The following LRSAM1 variants were observed in gnomAD, a reference collection of about 807,000 sequenced individuals.
LRSAM1 encodes the protein E3 ubiquitin-protein ligase LRSAM1.
LRSAM1 carries 96 observed loss-of-function variants against 118.1 expected under a neutral mutation model. The ratio of observed to expected loss-of-function variants is 0.81; its 90% CI spans 0.69 to 0.96. The LOEUF (loss-of-function observed/expected upper bound fraction) is 0.96. Among genes scored for constraint, LRSAM1 ranks in the 40% least tolerant of loss-of-function variants. The pLI is 0.00. For missense variants in LRSAM1, 804 were observed against 915.5 expected, an observed-to-expected ratio of 0.88 and a Z score of 1.57; for synonymous variants, 322 against 364.2, an observed-to-expected ratio of 0.88 and a Z score of 1.32.
intron 5 of LRSAM1, among the ~76,000 whole-genome samples, chr9:127,456,319 C>T (rs1306524900): frequency 2.0e-5 from 3 of 151,490 alleles, no homozygotes; most frequent in Non-Finnish European, 2.9e-5. Flanking sequence ...CTGAAACCTC[C>T]GCCTCCTGGG....
intron 2 of LRSAM1, among the ~76,000 whole-genome samples, 159 bp from the exon 3 acceptor site, chr9:127,454,337 G>A (rs896366180): frequency 1.0e-4 from 15 of 143,672 alleles, no homozygotes; most frequent in African/African-American, 3.4e-4. Flanking sequence ...AGACCCAGCC[G>A]CTGCCTCCGT....
chr9:127,471,230 A>C (rs1835154590), intron 10 of LRSAM1, among the ~76,000 whole-genome samples: 1 of 149,356 alleles, frequency 6.7e-6, no homozygotes, highest in African/African-American at 2.5e-5. Context: ...TGTAATCCCA[A>C]CATTTTGGGA....
At chr9:127,479,270 G>T in intron 12 of LRSAM1, 113 bp from the exon 13 acceptor site, 1 of 1,505,210 alleles carries the variant, frequency 6.6e-7, no homozygotes. Flanking sequence ...GGGTTGCTCA[G>T]CATGAAGACC....
chr9:127,487,280 C>T (rs183198824), intron 17 of LRSAM1, among the ~76,000 whole-genome samples: 3 of 152,292 alleles, frequency 2.0e-5, no homozygotes, highest in Non-Finnish European at 4.4e-5. Context: ...TCCTTGCTCC[C>T]TGCCCAGGGT....
Position 127,451,636 on chromosome 9 carries a change from T to C in LRSAM1, c.-222T>C, listed in dbSNP as rs1403002846. The C allele has an allele frequency of 6.5e-6, 3 of 463,098 alleles. No homozygotes were observed. Among genetic ancestry groups the C allele is most frequent in the Non-Finnish European group, 1.2e-5 (3 of 251,976 alleles). 28.7% of individuals were successfully genotyped at this position (463,098 alleles called of 1,614,324 possible). A position where few individuals can be genotyped will look rare whatever the true frequency, so the allele number is the denominator to read the frequency against. ...AGTCTGAGAAGGGTGGCTCCGGTGA[T>C]CCCAGCCCTAGCTGTTTCCCATATT... On this transcript the variant is annotated 5_prime_UTR_variant, in exon 1 of 26. Coordinates refer to ENST00000300417, the MANE Select transcript of LRSAM1 (RefSeq NM_001005373.4).
intron 18 of LRSAM1, among the ~76,000 whole-genome samples, chr9:127,488,321 G>A (rs1322879204): frequency 1.3e-5 from 2 of 152,102 alleles, no homozygotes; most frequent in African/African-American, 4.8e-5. Flanking sequence ...GAGTGCAGTG[G>A]TGCGATCTCG....
intron 6 of LRSAM1, among the ~76,000 whole-genome samples, chr9:127,458,397 AACAAAACAAAACAAAACAAAAC>A (rs1564251935): frequency 4.0e-5 from 6 of 149,012 alleles, no homozygotes; most frequent in African/African-American, 1.5e-4. Flanking sequence ...TCAAAAACAA[AACAAAACAAAACAAAACAAAAC>A]AAAAAAAAAC....
At chr9:127,463,730 G>A (rs1380411812) in intron 9 of LRSAM1, among the ~76,000 whole-genome samples, 1 of 152,184 alleles carries the variant, frequency 6.6e-6, no homozygotes, top group African/African-American at 2.4e-5. Flanking sequence ...ACATAGTTCA[G>A]CCCATGACAG....
At chr9:127,501,887 C>T (rs1322261144) in intron 25 of LRSAM1, among the ~76,000 whole-genome samples, 5 of 152,354 alleles carry the variant, frequency 3.3e-5, no homozygotes, top group South Asian at 2.1e-4. Flanking sequence ...CAGGGTCTCC[C>T]GTTGACCTGA....
chr9:127,461,555 TG>T (rs1219898654), intron 8 of LRSAM1, among the ~76,000 whole-genome samples: 1 of 152,154 alleles, frequency 6.6e-6, no homozygotes, highest in Admixed American at 6.5e-5. Context: ...AGAGGACTGA[TG>T]GGGCGAGAGC....
At chr9:127,479,083 T>C in intron 12 of LRSAM1, 120 bp downstream of exon 12, 4 of 1,078,406 alleles carry the variant, frequency 3.7e-6, no homozygotes, top group Non-Finnish European at 4.0e-6. Context: ...CAGTAATGCC[T>C]TCCTCTTACA....
intron 24 of LRSAM1, 45 bp from the exon 25 acceptor site, chr9:127,500,965 C>T (rs752186146): frequency 6.2e-7 from 1 of 1,613,302 alleles, no homozygotes; most frequent in East Asian, 2.2e-5. Flanking sequence ...GGGTTAGGGT[C>T]AGCGGAGATG....
chr9:127,465,607 T>C lies in LRSAM1; in HGVS notation c.529-2133T>C, dbSNP rs1156672080. Among the ~76,000 whole-genome samples, 1 of 152,232 alleles carries C rather than the reference T, an allele frequency of 6.6e-6. No individual in the cohort carries two copies. The highest frequency in any genetic ancestry group is 1.5e-5 in the Non-Finnish European group (1 of 68,036). ...TTCCCTGGGGCAGTCTCCCACTCCC[T>C]GTGCAAAGCACGTTCACTCAACACC... On this transcript the variant is annotated intron_variant, in intron 9 of 25. Transcript: ENST00000300417. The surrounding 1 kb of genome is among the most constrained non-coding windows in gnomAD (Gnocchi z 4.1).
chr9:127,489,024 T>C (rs538224998), intron 18 of LRSAM1, among the ~76,000 whole-genome samples: 36 of 152,284 alleles, frequency 2.4e-4, no homozygotes, highest in Admixed American at 1.6e-3. Flanking sequence ...CTAAAATGGT[T>C]TGACTTAGTA....
At chr9:127,496,752 C>T (rs1334877316) in intron 23 of LRSAM1, among the ~76,000 whole-genome samples, 1 of 152,162 alleles carries the variant, frequency 6.6e-6, no homozygotes, top group Non-Finnish European at 1.5e-5. Context: ...ATGAGACTCT[C>T]CTGCCCCTCC....
chr9:127,458,056 C>T (rs375184961), intron 6 of LRSAM1, among the ~76,000 whole-genome samples: 3 of 150,706 alleles, frequency 2.0e-5, no homozygotes, highest in African/African-American at 7.3e-5. Context: ...ATAAATATTT[C>T]TCCAAGGCCT....
chr9:127,468,525 G>A (rs1248977016), intron 10 of LRSAM1, among the ~76,000 whole-genome samples: 2 of 152,144 alleles, frequency 1.3e-5, no homozygotes, highest in Non-Finnish European at 2.9e-5. Context: ...AGACACACAT[G>A]CCTATGACTT....
intron 20 of LRSAM1, among the ~76,000 whole-genome samples, chr9:127,491,688 G>A (rs953167342): frequency 6.6e-6 from 1 of 152,238 alleles, no homozygotes; most frequent in Non-Finnish European, 1.5e-5. Context: ...GGGTGTCCCG[G>A]GTTGTCTGGA....
chr9:127,458,893 T>C, intron 6 of LRSAM1, 110 bp from the exon 7 acceptor site: 3 of 977,378 alleles, frequency 3.1e-6, no homozygotes, highest in Non-Finnish European at 4.9e-6. Context: ...GCAGGCACTC[T>C]GTTTCTGCAC....
Sources: gnomAD v4.1 joint callset for allele counts (sites outside exome capture counted in the v4.1 genomes callset) on GRCh38, gnomAD v4.1.1 for gene constraint, Gnocchi (gnomAD v3.1) non-coding constraint, MANE v1.5 for transcripts, NCBI Gene and HGNC (gene_info 2026-07-23, HGNC 2026-07-21) for gene names.